The following KCNMB3 variants were observed in gnomAD, a reference collection of about 807,000 sequenced individuals.
KCNMB3 encodes potassium calcium-activated channel subfamily M regulatory beta subunit 3.
Under a neutral mutation model 11.9 loss-of-function variants are expected in KCNMB3, and 18 were observed. The observed-to-expected ratio is 1.51, with a 90% CI of 1.04 to 2.23. KCNMB3 has a LOEUF of 2.23. KCNMB3 is among the 30% of genes most tolerant of loss of function. KCNMB3 has a pLI of 0.00. For synonymous variants in KCNMB3, 78 were observed against 119.2 expected (o/e 0.65, Z 2.25); for missense variants, 247 against 329.4 (o/e 0.75, Z 1.94).
At position 179,258,892 on chromosome 3, in the gene KCNMB3, A is replaced by G. The variant is rs115030937; in HGVS notation, c.62+7757T>C. 4,363 of 1,600,096 alleles carry G rather than the reference A, an allele frequency of 2.7e-3. 102 individuals carry two copies. The African/African-American group carries it at 0.049, about 18-fold the overall frequency. ...AACAGTCTATAACTTAAAGCAGTAGATCACCTGGTGATTGGCATACAGTGC... is the reference window on the plus strand; with the variant it reads ...AACAGTCTATAACTTAAAGCAGTAGGTCACCTGGTGATTGGCATACAGTGC... On this transcript the variant is annotated intron_variant, in intron 1 of 3. Transcript: ENST00000349697.
At position 179,244,552 on chromosome 3, in the gene KCNMB3, A is replaced by G. The variant is rs1211914243; in HGVS notation, c.390T>C (p.His130=). The change falls in exon 2 of 3, where the codon CAT becomes CAC. Residue 130 remains histidine (H), a synonymous_variant. Coordinates refer to ENST00000392685, the MANE Select transcript of KCNMB3 (RefSeq NM_171830.2). ...PCLQVFVNLS[H]PGQKALLHYN... ...AATGTAGGAGAGCTTTCTGACCTGGATGGCTGAGGTTCACAAACACCTGAA... is the reference window on the plus strand; with the variant it reads ...AATGTAGGAGAGCTTTCTGACCTGGGTGGCTGAGGTTCACAAACACCTGAA... The G allele has an allele frequency of 6.2e-7, 1 of 1,614,182 alleles. No homozygotes were observed. The highest frequency in any genetic ancestry group is 1.7e-5 in the Admixed American group (1 of 60,016).
intron 1 of KCNMB3, among the ~76,000 whole-genome samples, 191 bp from the exon 2 acceptor site, chr3:179,244,884 G>A (rs1337768818): frequency 6.6e-6 from 1 of 152,156 alleles, no homozygotes; most frequent in Non-Finnish European, 1.5e-5. Flanking sequence ...CAGAGTTGGG[G>A]TAAAGAGCCA....
upstream of KCNMB3, among the ~76,000 whole-genome samples, chr3:179,256,293 G>C (rs1363978196): frequency 6.6e-6 from 1 of 152,012 alleles, no homozygotes; most frequent in Non-Finnish European, 1.5e-5. Context: ...AAAATTAGCT[G>C]GACGTGGTGG....
intron 2 of KCNMB3, among the ~76,000 whole-genome samples, chr3:179,243,567 C>A (rs1248018634): frequency 6.6e-6 from 1 of 152,178 alleles, no homozygotes; most frequent in Non-Finnish European, 1.5e-5. Context: ...CTCCTCCCTA[C>A]ATGCAGGTTC....
At chr3:179,249,007 CT>C (rs1169837939) in intron 1 of KCNMB3, among the ~76,000 whole-genome samples, 71 of 89,874 alleles carry the variant, frequency 7.9e-4, no homozygotes, top group East Asian at 2.9e-3. Context: ...GACCCCGTCT[CT>C]TTTTTTTTTT....
rs774119458 is a variant in KCNMB3 at position 179,242,857 on chromosome 3, A to G, written c.*47T>C. 5.2e-6 allele frequency: 8 copies of G among 1,523,992 alleles called. No individual in the cohort carries two copies. The highest frequency in any genetic ancestry group is 4.4e-6 in the Non-Finnish European group (5 of 1,138,756). The allele number at this position is 1,523,992 out of a possible 1,614,324, so 94.4% of individuals were successfully genotyped here. A position where few individuals can be genotyped will look rare whatever the true frequency, so the allele number is the denominator to read the frequency against. On this transcript the variant is annotated 3_prime_UTR_variant, in exon 3 of 3. Coordinates refer to ENST00000392685, the MANE Select transcript of KCNMB3 (RefSeq NM_171830.2). ...CAGGCATAATTAGGTCCTCAGTTGC[A>G]GAAATCACAGACATCTGAAGGCCAG...
chr3:179,257,875 TGTG>T (rs1188371404), intron 1 of KCNMB3, among the ~76,000 whole-genome samples: 3 of 6,402 alleles, frequency 4.7e-4, no homozygotes, highest in Admixed American at 2.4e-3. Flanking sequence ...CATTGTTTTG[TGTG>T]TGTGTGTGTG....
intron 1 of KCNMB3, chr3:179,260,611 A>G: frequency 7.0e-7 from 1 of 1,424,640 alleles, no homozygotes; most frequent in Non-Finnish European, 9.9e-7. Flanking sequence ...TCATCTTGGT[A>G]GGATCTTGGT....
upstream of KCNMB3, among the ~76,000 whole-genome samples, chr3:179,252,730 A>G (rs974312763): frequency 7.3e-6 from 1 of 137,332 alleles, no homozygotes; most frequent in Non-Finnish European, 1.6e-5. Flanking sequence ...TTGAACCTGT[A>G]CTTTTTTTTT....
chr3:179,247,269 C>T (rs892929958), intron 1 of KCNMB3, among the ~76,000 whole-genome samples: 3 of 152,054 alleles, frequency 2.0e-5, no homozygotes, highest in Non-Finnish European at 4.4e-5. Flanking sequence ...TCTGCCTGTG[C>T]ACACACACGG....
At chr3:179,254,813 TA>T (rs1324262085), upstream of KCNMB3, among the ~76,000 whole-genome samples, 1 of 151,010 alleles carries the variant, frequency 6.6e-6, no homozygotes, top group African/African-American at 2.4e-5. Context: ...TAAAATAAAA[TA>T]AAAAAAGAAG....
intron 1 of KCNMB3, among the ~76,000 whole-genome samples, chr3:179,261,514 G>A (rs941043963): frequency 6.6e-6 from 1 of 151,986 alleles, no homozygotes; most frequent in Middle Eastern, 3.2e-3. Flanking sequence ...AGCCTGGCCG[G>A]GGGTGGAATG....
intron 1 of KCNMB3, among the ~76,000 whole-genome samples, chr3:179,258,493 T>A (rs1157702636): frequency 6.6e-6 from 1 of 152,248 alleles, no homozygotes; most frequent in East Asian, 1.9e-4. Context: ...GTGACCTATT[T>A]GCTATTTGGC....
chr3:179,261,701 T>C (rs1726222553), intron 1 of KCNMB3, among the ~76,000 whole-genome samples: 1 of 152,240 alleles, frequency 6.6e-6, no homozygotes, highest in African/African-American at 2.4e-5. Context: ...CCCTACTCTC[T>C]TGAGATGCTG....
At chr3:179,266,146 G>T (rs1447905992) in intron 1 of KCNMB3, among the ~76,000 whole-genome samples, 2 of 152,098 alleles carry the variant, frequency 1.3e-5, no homozygotes, top group African/African-American at 4.8e-5. Context: ...TAAGTGACTT[G>T]CCCAGTCATA....
At chr3:179,254,978 A>G (rs1725965278), upstream of KCNMB3, among the ~76,000 whole-genome samples, 1 of 152,138 alleles carries the variant, frequency 6.6e-6, no homozygotes, top group Non-Finnish European at 1.5e-5. Context: ...GAGCCCGGCC[A>G]ACATGGCTAA....
intron 1 of KCNMB3, among the ~76,000 whole-genome samples, chr3:179,265,604 G>A (rs1006231746): frequency 3.3e-5 from 5 of 151,986 alleles, no homozygotes; most frequent in East Asian, 1.9e-4. Flanking sequence ...TTACAGGCGC[G>A]CCACCACCAT....
intron 1 of KCNMB3, chr3:179,259,654 G>A (rs921742871): frequency 6.2e-7 from 1 of 1,608,994 alleles, no homozygotes; most frequent in Admixed American, 1.7e-5. Flanking sequence ...TCTGTGTTCT[G>A]ATAAGTTAAC....
Position 179,244,704 on chromosome 3 carries a change from A to G in KCNMB3, c.249-11T>C, listed in dbSNP as rs1320973843. On this transcript the variant is annotated splice_polypyrimidine_tract_variant and intron_variant, in intron 1 of 2. Coordinates refer to ENST00000392685, the MANE Select transcript of KCNMB3 (RefSeq NM_171830.2). ...TCTTCTCTCTGAATGCTTCAATTTG[A>G]AAAAAAAAAAATGTTCTTCACTTAT... 2.5e-5 allele frequency: 24 copies of G among 965,976 alleles called. No individual in the cohort carries two copies. The highest frequency in any genetic ancestry group is 3.9e-5 in the South Asian group (2 of 50,952). 59.8% of individuals were successfully genotyped at this position (965,976 alleles called of 1,614,324 possible).
Sources: gnomAD v4.1 joint callset for allele counts (sites outside exome capture counted in the v4.1 genomes callset) on GRCh38, gnomAD v4.1.1 for gene constraint, MANE v1.5 for transcripts, NCBI Gene and HGNC (gene_info 2026-07-23, HGNC 2026-07-21) for gene names.